Variants in EDIL3 observed in about 807,000 individuals in gnomAD.
EDIL3 encodes the protein EGF like and discoidin domains 3.
EDIL3 carries 37 observed loss-of-function variants against 67.4 expected under a neutral mutation model. The ratio of observed to expected loss-of-function variants is 0.55; its 90% CI spans 0.42 to 0.72. EDIL3 has a LOEUF of 0.72. Among genes scored for constraint, EDIL3 ranks in the 30% least tolerant of loss-of-function variants. EDIL3 has a pLI of 0.00. For synonymous variants in EDIL3, 195 were observed against 196.3 expected, an observed-to-expected ratio of 0.99 and a Z score of 0.05; for missense variants, 527 against 586.3, an observed-to-expected ratio of 0.90 and a Z score of 1.04.
intron 9 of EDIL3, among the ~76,000 whole-genome samples, chr5:83,967,611 A>G (rs1744720365): frequency 1.3e-5 from 2 of 152,130 alleles, no homozygotes; most frequent in South Asian, 4.1e-4. Context: ...CAAAGCATAA[A>G]TATTTTTAGA....
At chr5:83,981,866 C>T (rs979858623) in intron 9 of EDIL3, among the ~76,000 whole-genome samples, 4 of 151,892 alleles carry the variant, frequency 2.6e-5, no homozygotes, top group African/African-American at 4.8e-5. Flanking sequence ...ATCTGCTAGC[C>T]GAATTCATTT....
chr5:84,311,312 C>CTTTTTTT (rs900034474), intron 1 of EDIL3, among the ~76,000 whole-genome samples: 3 of 93,898 alleles, frequency 3.2e-5, no homozygotes, highest in Admixed American at 1.0e-4. Flanking sequence ...AATGTATTTT[C>CTTTTTTT]TTTTTTTTTT....
chr5:84,291,237 T>C (rs911504133), intron 1 of EDIL3, among the ~76,000 whole-genome samples: 2 of 152,100 alleles, frequency 1.3e-5, no homozygotes, highest in African/African-American at 4.8e-5. Flanking sequence ...CTTACTAAAT[T>C]GATTTTCATG....
chr5:84,063,759 T>C (rs1357496796), intron 8 of EDIL3, among the ~76,000 whole-genome samples: 1 of 152,164 alleles, frequency 6.6e-6, no homozygotes, highest in Non-Finnish European at 1.5e-5. Flanking sequence ...TAAGTGGTAT[T>C]GTTTTAGATT....
chr5:84,362,251 A>T (rs1747625962), intron 1 of EDIL3, among the ~76,000 whole-genome samples: 1 of 152,126 alleles, frequency 6.6e-6, no homozygotes. Flanking sequence ...AAATTCCTGG[A>T]GTACAACCAA....
chr5:84,104,604 T>A (rs1747425560), intron 6 of EDIL3, among the ~76,000 whole-genome samples: 1 of 151,970 alleles, frequency 6.6e-6, no homozygotes. Flanking sequence ...CTGAGTTCAT[T>A]ATCATCTTCA....
At chr5:84,052,588 G>A (rs1312748820) in intron 9 of EDIL3, among the ~76,000 whole-genome samples, 2 of 152,234 alleles carry the variant, frequency 1.3e-5, no homozygotes, top group East Asian at 3.9e-4. Context: ...GACACACATA[G>A]GCTCAAAATA....
chr5:83,967,466 T>G (rs547424197), intron 9 of EDIL3, among the ~76,000 whole-genome samples: 1 of 152,088 alleles, frequency 6.6e-6, no homozygotes, highest in African/African-American at 2.4e-5. Context: ...CTTATTTCAC[T>G]CTAAGAATGA....
chr5:84,156,515 A>T (rs1035113711), intron 4 of EDIL3, among the ~76,000 whole-genome samples: 1 of 152,114 alleles, frequency 6.6e-6, no homozygotes, highest in Non-Finnish European at 1.5e-5. Flanking sequence ...TCTATTACAA[A>T]CTTATTCTTT....
intron 1 of EDIL3, among the ~76,000 whole-genome samples, chr5:84,291,354 C>A (rs570272956): frequency 6.6e-6 from 1 of 152,152 alleles, no homozygotes; most frequent in East Asian, 1.9e-4. Flanking sequence ...ATAAAGAACA[C>A]TTGAATCAGG....
At chr5:84,263,578 TTC>T (rs1259668506) in intron 1 of EDIL3, among the ~76,000 whole-genome samples, 1 of 152,184 alleles carries the variant, frequency 6.6e-6, no homozygotes, top group Non-Finnish European at 1.5e-5. Context: ...TATTCTGTGT[TTC>T]TAAATCATTG....
intron 1 of EDIL3, among the ~76,000 whole-genome samples, chr5:84,375,492 T>C (rs183308931): frequency 3.2e-4 from 48 of 152,280 alleles, no homozygotes; most frequent in Middle Eastern, 3.4e-3. Flanking sequence ...AATGGGGTTA[T>C]GTGGAAATAA....
At chr5:84,353,737 A>C (rs1747412241) in intron 1 of EDIL3, among the ~76,000 whole-genome samples, 1 of 152,184 alleles carries the variant, frequency 6.6e-6, no homozygotes, top group Admixed American at 6.5e-5. Context: ...CATTTTGAAA[A>C]ACAGTATTAT....
intron 1 of EDIL3, among the ~76,000 whole-genome samples, chr5:84,264,275 T>C (rs1247596254): frequency 4.0e-5 from 6 of 151,816 alleles, no homozygotes. Context: ...ATTGAAGGAG[T>C]TCCCATTTGA....
At chr5:84,210,074 C>T (rs998509255) in intron 3 of EDIL3, among the ~76,000 whole-genome samples, 1 of 152,130 alleles carries the variant, frequency 6.6e-6, no homozygotes, top group African/African-American at 2.4e-5. Flanking sequence ...TTAAAATTAG[C>T]ATTAAAACAA....
Position 83,963,286 on chromosome 5 carries a change from A to C in EDIL3, c.1212T>G (p.Phe404Leu). The change falls in exon 10 of 11, where the codon TTT (phenylalanine) becomes TTG (leucine). Residue 404 changes from phenylalanine to leucine, a missense_variant. Around this residue, in one of 2 missense-constraint regions of EDIL3, gnomAD observed 494 missense variants for 522.5 expected, o/e 0.95. Coordinates refer to ENST00000296591, the MANE Select transcript of EDIL3 (RefSeq NM_005711.5). Reference sequence around the variant, plus strand: ...TGTAAGCCAGTTTGTAGGAGCCAACAAACTGTACATGACCAAAATCTTTAG... The same window carrying C: ...TGTAAGCCAGTTTGTAGGAGCCAACCAACTGTACATGACCAAAATCTTTAG... Reference protein sequence around the residue: ...QGAKDFGHVQFVGSYKLAYSN... With the variant: ...QGAKDFGHVQLVGSYKLAYSN... 6.2e-7 allele frequency: 1 copy of C among 1,610,512 alleles called. No homozygotes were observed. The highest frequency in any genetic ancestry group is 8.5e-7 in the Non-Finnish European group (1 of 1,177,772).
chr5:84,320,562 C>T (rs946010875), intron 1 of EDIL3, among the ~76,000 whole-genome samples: 3 of 152,062 alleles, frequency 2.0e-5, no homozygotes, highest in African/African-American at 7.2e-5. Flanking sequence ...GAGACCTGCA[C>T]ACTTAATGAA....
At chr5:84,164,536 C>G (rs909196482) in intron 4 of EDIL3, among the ~76,000 whole-genome samples, 1 of 151,968 alleles carries the variant, frequency 6.6e-6, no homozygotes, top group Non-Finnish European at 1.5e-5. Flanking sequence ...GTAAATAACC[C>G]CAACTGGTCA....
chr5:84,109,047 T>G (rs1475811031), intron 5 of EDIL3, among the ~76,000 whole-genome samples: 1 of 152,132 alleles, frequency 6.6e-6, no homozygotes, highest in African/African-American at 2.4e-5. Flanking sequence ...CAACCTCCCT[T>G]TAGTAGCTAA....
Sources: gnomAD v4.1 joint callset for allele counts (sites outside exome capture counted in the v4.1 genomes callset) on GRCh38, gnomAD v4.1.1 for gene constraint, gnomAD v4.1.1 regional missense constraint, MANE v1.5 for transcripts, NCBI Gene and HGNC (gene_info 2026-07-23, HGNC 2026-07-21) for gene names.